LRP1: variants seen among roughly 807,000 people sequenced by gnomAD.
The protein encoded by LRP1 is LDL receptor related protein 1.
A neutral mutation model predicts 541.5 loss-of-function variants in LRP1; 51 were observed. The ratio of observed to expected loss-of-function variants is 0.09; its 90% CI spans 0.08 to 0.12. The LOEUF is 0.12. Among genes scored for constraint, LRP1 ranks in the 10% least tolerant of loss-of-function variants. LRP1 has a pLI of 1.00. For synonymous variants in LRP1, 2,219 were observed against 2,470.8 expected, an observed-to-expected ratio of 0.90 and a Z score of 3.02; for missense variants, 3,878 against 6,376.2, an observed-to-expected ratio of 0.61 and a Z score of 13.34.
chr12:57,161,053 T>C lies in LRP1; in HGVS notation c.2140T>C (p.Tyr714His), dbSNP rs756731467. 6.2e-7 allele frequency: 1 copy of C among 1,613,910 alleles called. No individual in the cohort carries two copies. The highest frequency in any genetic ancestry group is 8.5e-7 in the Non-Finnish European group (1 of 1,180,040). ...LSLDIPAGRLYWVDAFYDRIE... is the reference protein window; with the variant it reads ...LSLDIPAGRLHWVDAFYDRIE... ...CCTGGACATCCCGGCTGGGCGCCTC[T>C]ACTGGGTGGATGCCTTCTACGACCG... is the stretch of plus-strand genomic sequence containing the variant. Residue 714 changes from tyrosine (Y) to histidine (H), a missense_variant, in exon 13 of 89, where the codon TAC (tyrosine) becomes CAC (histidine). Coordinates refer to ENST00000243077, the MANE Select transcript of LRP1 (RefSeq NM_002332.3).
rs1473836760 is a variant in LRP1 at position 57,201,077 on chromosome 12, C to A, written c.10269C>A (p.Thr3423=). The change falls in exon 65 of 89, where the codon ACC becomes ACA. Residue 3423 remains threonine, a synonymous_variant. Coordinates refer to ENST00000243077, the MANE Select transcript of LRP1 (RefSeq NM_002332.3). The surrounding 1 kb of genome is among the most constrained non-coding windows in gnomAD (Gnocchi z 6.4). ...CLPSQFKCTN[T]NRCIPGIFRC... ...CCAGTCAGTTCAAATGCACCAACAC[C>A]AACCGCTGTATTCCCGGCATCTTCC... is the stretch of plus-strand genomic sequence containing the variant. 1 of 1,614,072 alleles carries A rather than the reference C, an allele frequency of 6.2e-7. No individual in the cohort carries two copies. Among genetic ancestry groups the A allele is most frequent in the Non-Finnish European group, 8.5e-7 (1 of 1,180,012 alleles).
chr12:57,211,266 G>A lies in LRP1; in HGVS notation c.13007G>A (p.Gly4336Glu). 1.2e-6 allele frequency: 2 copies of A among 1,614,230 alleles called. No homozygotes were observed. The highest frequency in any genetic ancestry group is 1.7e-6 in the Non-Finnish European group (2 of 1,180,046). ...TGCCGCTGCACTGCCTACTTTGAGG[G>A]ATCGAGGTGTGAGGTGAACAAGTGC... is the stretch of plus-strand genomic sequence containing the variant. Reference protein sequence around the residue: ...RQCRCTAYFEGSRCEVNKCSR... With the variant: ...RQCRCTAYFEESRCEVNKCSR... Residue 4336 changes from glycine (G) to glutamate (E), a missense_variant, in exon 84 of 89, where the codon GGA becomes GAA. Physicochemically the swap from Gly to Glu is moderately conservative, Grantham distance 98. Around this residue, in one of 13 missense-constraint regions of LRP1, gnomAD observed 871 missense variants for 1,212.4 expected, o/e 0.72. Coordinates refer to ENST00000243077, the MANE Select transcript of LRP1 (RefSeq NM_002332.3). The surrounding 1 kb of genome is among the most constrained non-coding windows in gnomAD (Gnocchi z 4.3).
intron 78 of LRP1, 126 bp from the exon 79 acceptor site, chr12:57,208,957 C>G (rs2036848826): frequency 1.9e-6 from 2 of 1,066,706 alleles, no homozygotes; most frequent in Non-Finnish European, 2.8e-6. Context: ...GGAGGCTTTT[C>G]CCGAAAGAGG....
chr12:57,191,007 T>C lies in LRP1; in HGVS notation c.7234T>C (p.Tyr2412His). 1 of 1,609,590 alleles carries C rather than the reference T, an allele frequency of 6.2e-7. No homozygotes were observed. The highest frequency in any genetic ancestry group is 1.3e-5 in the African/African-American group (1 of 74,962). The change falls in exon 43 of 89, where the codon TAT becomes CAT. Residue 2412 changes from tyrosine (Y) to histidine (H), a missense_variant and splice_region_variant. Transcript: ENST00000243077. ...ERCEYDGSHR[Y>H]VILKSEPVHP... ...GTGCGAGTATGACGGCTCCCACCGCTATGTGAGTCTGCGGGGTGGGTGAGC... is the reference window on the plus strand; with the variant it reads ...GTGCGAGTATGACGGCTCCCACCGCCATGTGAGTCTGCGGGGTGGGTGAGC...
Position 57,212,312 on chromosome 12 carries a change from A to C in LRP1, c.13494+51A>C, listed in dbSNP as rs1270400942. Reference sequence around the variant, plus strand: ...AGTGCCAAGAGGCCGTGGGTGGCCTAACCAAAGGTGTTGGGTTAGGTGAGG... The same window carrying C: ...AGTGCCAAGAGGCCGTGGGTGGCCTCACCAAAGGTGTTGGGTTAGGTGAGG... On this transcript the variant is annotated intron_variant, in intron 88 of 88. Coordinates refer to ENST00000243077, the MANE Select transcript of LRP1 (RefSeq NM_002332.3). The surrounding 1 kb of genome is among the most constrained non-coding windows in gnomAD (Gnocchi z 5.0). 1 of 1,613,050 alleles carries C rather than the reference A, an allele frequency of 6.2e-7. No individual in the cohort carries two copies. The highest frequency in any genetic ancestry group is 2.2e-5 in the East Asian group (1 of 44,874).
chr12:57,188,602 G>A (rs1161871713), intron 42 of LRP1, among the ~76,000 whole-genome samples: 1 of 152,190 alleles, frequency 6.6e-6, no homozygotes, highest in Admixed American at 6.5e-5. Flanking sequence ...AGCTTCCCTG[G>A]AGGGTCCAGC....
intron 12 of LRP1, among the ~76,000 whole-genome samples, 163 bp from the exon 13 acceptor site, chr12:57,160,730 A>G (rs937367741): frequency 2.0e-5 from 3 of 152,058 alleles, no homozygotes; most frequent in African/African-American, 7.2e-5. Context: ...CACTCAACAA[A>G]TATTTGTTGA....
chr12:57,205,616 C>T lies in LRP1; in HGVS notation c.11529C>T (p.Gly3843=), dbSNP rs767453076. The part of the protein sequence containing the change: ...TCSQLCNNTK[G]GHLCSCARNF... Reference sequence around the variant, plus strand: ...CCCAGCTCTGCAACAACACCAAGGGCGGCCACCTCTGCAGCTGCGCTCGGA... The same window carrying T: ...CCCAGCTCTGCAACAACACCAAGGGTGGCCACCTCTGCAGCTGCGCTCGGA... The change falls in exon 75 of 89, where the codon GGC becomes GGT. Residue 3843 remains glycine (G), a synonymous_variant. Coordinates refer to ENST00000243077, the MANE Select transcript of LRP1 (RefSeq NM_002332.3). The surrounding 1 kb of genome is among the most constrained non-coding windows in gnomAD (Gnocchi z 4.6). 67 of 1,613,638 alleles carry T rather than the reference C, an allele frequency of 4.2e-5. No homozygotes were observed. The highest frequency in any genetic ancestry group is 2.7e-4 in the Admixed American group (16 of 60,004).
chr12:57,161,731 AT>A (rs2035738204), intron 13 of LRP1, among the ~76,000 whole-genome samples: 1 of 152,056 alleles, frequency 6.6e-6, no homozygotes, highest in Non-Finnish European at 1.5e-5. Flanking sequence ...TCCACATGGA[AT>A]GTTCACCCCA....
intron 20 of LRP1, among the ~76,000 whole-genome samples, chr12:57,169,848 G>A (rs1166061354): frequency 6.6e-6 from 1 of 152,244 alleles, no homozygotes; most frequent in Non-Finnish European, 1.5e-5. Flanking sequence ...CTCGGGGGCG[G>A]TGGGGACCTA....
rs1258578487 is a variant in LRP1, at chr12:57,190,793, C to G, written c.7032-12C>G. 1 of 1,612,932 alleles carries G rather than the reference C, an allele frequency of 6.2e-7. No homozygotes were observed. The highest frequency in any genetic ancestry group is 8.5e-7 in the Non-Finnish European group (1 of 1,179,516). ...GGCTTTGCCTCCTGATCTCTGGACC[C>G]TCTTCCCCCAGCCTCATGTTCTGGA... On this transcript the variant is annotated splice_polypyrimidine_tract_variant and intron_variant, in intron 42 of 88. Transcript: ENST00000243077.
chr12:57,204,968 G>C lies in LRP1; in HGVS notation c.11195-141G>C. On this transcript the variant is annotated intron_variant, in intron 72 of 88. Transcript: ENST00000243077. The surrounding 1 kb of genome is among the most constrained non-coding windows in gnomAD (Gnocchi z 5.3). ...CTGATGCCTTAGGTCTTGGAGGTGGGGCTGGGAACCCAAATGTTTGACCTG... is the reference window on the plus strand; with the variant it reads ...CTGATGCCTTAGGTCTTGGAGGTGGCGCTGGGAACCCAAATGTTTGACCTG... 7.2e-7 allele frequency: 1 copy of C among 1,386,638 alleles called. No individual in the cohort carries two copies. The highest frequency in any genetic ancestry group is 9.8e-7 in the Non-Finnish European group (1 of 1,021,592). The allele number at this position is 1,386,638 out of a possible 1,614,324, so 85.9% of individuals were successfully genotyped here.
intron 55 of LRP1, 107 bp from the exon 56 acceptor site, chr12:57,196,875 C>A: frequency 1.0e-6 from 1 of 960,676 alleles, no homozygotes; most frequent in South Asian, 1.5e-5. Context: ...TATGCTGCTG[C>A]CCCTAGTGAG....
chr12:57,208,259 G>A, intron 77 of LRP1, 43 bp downstream of exon 77: 1 of 1,587,614 alleles, frequency 6.3e-7, no homozygotes, highest in South Asian at 1.1e-5. Flanking sequence ...CTGGTGGTAG[G>A]AAGCCCCCGG....
chr12:57,138,886 T>C (rs34804580), intron 2 of LRP1, among the ~76,000 whole-genome samples: 1,950 of 152,250 alleles, frequency 0.013, 42 homozygotes, highest in African/African-American at 0.045. Flanking sequence ...GCTCTTCCCT[T>C]ATTCCACCTC....
In LRP1 at chr12:57,183,264, T is replaced by G; in HGVS notation, c.5663-115T>G. Reference sequence around the variant, plus strand: ...GTGTGTGCTGGGTGGAGGATAGGGATGATGGTGGGGGGGGATGATATCAAA... The same window carrying G: ...GTGTGTGCTGGGTGGAGGATAGGGAGGATGGTGGGGGGGGATGATATCAAA... On this transcript the variant is annotated intron_variant, in intron 34 of 88. Transcript: ENST00000243077. The surrounding 1 kb of genome is among the most constrained non-coding windows in gnomAD (Gnocchi z 6.1). 3 of 1,167,720 alleles carry G rather than the reference T, an allele frequency of 2.6e-6. No individual in the cohort carries two copies. The highest frequency in any genetic ancestry group is 3.7e-6 in the Non-Finnish European group (3 of 814,112). 72.3% of individuals were successfully genotyped at this position (1,167,720 alleles called of 1,614,324 possible). A position where few individuals can be genotyped will look rare whatever the true frequency, so the allele number is the denominator to read the frequency against.
rs1011729297 is a variant in LRP1 at position 57,183,559 on chromosome 12, G to C, written c.5794+49G>C. ...AGTTGGGCGTGGCGTAGGAGCTTTAGGGGTGGTGTGGTGTGCCCTGAGGGT... is the reference window on the plus strand; with the variant it reads ...AGTTGGGCGTGGCGTAGGAGCTTTACGGGTGGTGTGGTGTGCCCTGAGGGT... On this transcript the variant is annotated intron_variant, in intron 35 of 88. Transcript: ENST00000243077. The surrounding 1 kb of genome is among the most constrained non-coding windows in gnomAD (Gnocchi z 6.1). The C allele has an allele frequency of 6.3e-7, 1 of 1,582,310 alleles. No individual in the cohort carries two copies. Among genetic ancestry groups the C allele is most frequent in the African/African-American group, 1.3e-5 (1 of 74,360 alleles).
chr12:57,180,394 C>T lies in LRP1; in HGVS notation c.5301C>T (p.Asn1767=). The T allele has an allele frequency of 6.2e-7, 1 of 1,614,200 alleles. No individual in the cohort carries two copies. The highest frequency in any genetic ancestry group is 8.5e-7 in the Non-Finnish European group (1 of 1,180,044). Residue 1767 remains asparagine (N), a synonymous_variant, in exon 32 of 89, where the codon AAC becomes AAT. Transcript: ENST00000243077. ...TCAGCTCCGGGAACCATACCATCAA[C>T]CGCTGCAACCTGGATGGGAGTGGGC... ...YWISSGNHTI[N]RCNLDGSGLE...
rs2036753585 is a variant in LRP1 at position 57,205,430 on chromosome 12, C to T, written c.11415C>T (p.Ala3805=). Residue 3805 remains alanine, a synonymous_variant, in exon 74 of 89, where the codon GCC becomes GCT. Coordinates refer to ENST00000243077, the MANE Select transcript of LRP1 (RefSeq NM_002332.3). This position sits in a 1 kb window ranked among gnomAD's most constrained non-coding sequence, Gnocchi z 4.6. ...EARCVRTEKA[A]YCACRSGFHT... ...GCTGCGTGCGCACCGAGAAAGCGGC[C>T]TACTGTGCCTGCCGCTCGGGCTTCC... 7 of 1,610,340 alleles carry T rather than the reference C, an allele frequency of 4.3e-6. No individual in the cohort carries two copies. Among genetic ancestry groups the T allele is most frequent in the Non-Finnish European group, 5.9e-6 (7 of 1,179,698 alleles).
Sources: allele counts gnomAD v4.1 joint callset (sites outside exome capture counted in the v4.1 genomes callset), GRCh38; gene constraint gnomAD v4.1.1; regional missense constraint gnomAD v4.1.1; non-coding constraint Gnocchi (gnomAD v3.1); transcripts MANE v1.5; gene names NCBI Gene and HGNC (gene_info 2026-07-23, HGNC 2026-07-21).